The following NASP variants were observed in gnomAD, a reference collection of about 807,000 sequenced individuals.
The protein encoded by NASP is NASP histone chaperone.
NASP carries 24 observed loss-of-function variants against 89.5 expected under a neutral mutation model. That is an observed-to-expected ratio of 0.27 (90% CI 0.19 to 0.38). NASP has a LOEUF of 0.38. NASP is among the 10% of genes least tolerant of loss of function. The pLI, the probability that NASP is intolerant of heterozygous loss-of-function variation, is 1.00. For missense variants in NASP, 848 were observed against 921.4 expected, an observed-to-expected ratio of 0.92 and a Z score of 1.03; for synonymous variants, 306 against 324.7, an observed-to-expected ratio of 0.94 and a Z score of 0.62.
At chr1:45,598,358 C>T (rs536666837) in intron 2 of NASP, among the ~76,000 whole-genome samples, 5 of 151,910 alleles carry the variant, frequency 3.3e-5, no homozygotes, top group African/African-American at 4.8e-5. Context: ...TTAGTAGAGA[C>T]GGGGTTTCGC....
chr1:45,615,574 G>A (rs1347313370), intron 11 of NASP, 103 bp downstream of exon 11: 1 of 1,109,484 alleles, frequency 9.0e-7, no homozygotes, highest in South Asian at 1.6e-5. Flanking sequence ...CAGGGAGTTG[G>A]TGGGCTCATC....
chr1:45,608,344 G>A lies in NASP; in HGVS notation c.1426+7G>A, dbSNP rs767624168. On this transcript the variant is annotated splice_region_variant and intron_variant, in intron 6 of 14. Coordinates refer to ENST00000350030, the MANE Select transcript of NASP (RefSeq NM_002482.4). The stretch of plus-strand genomic sequence containing the variant: ...CAGATGAAAGAGGGTGAAGGTAACC[G>A]GGATATGCAAGAGCTGCAGTGGGTG... 1.3e-5 allele frequency: 21 copies of A among 1,595,906 alleles called. No homozygotes were observed. The highest frequency in any genetic ancestry group is 1.6e-5 in the Non-Finnish European group (19 of 1,170,680).
rs1164645781 is a variant in NASP, at chr1:45,607,719, A to T, written c.808A>T (p.Ile270Leu). Residue 270 changes from isoleucine (I) to leucine (L), a missense_variant, in exon 6 of 15, where the codon ATA becomes TTA. This residue lies in a region of NASP where 464 missense variants were observed against 469.4 expected (regional missense o/e 0.99). Coordinates refer to ENST00000350030, the MANE Select transcript of NASP (RefSeq NM_002482.4). ...GAAGCAGGGAGAGGTAATTGTGAGC[A>T]TAGAGGAGAAGCCAAAAGAAGTTTC... ...QEKQGEVIVSIEEKPKEVSEE... is the reference protein window; with the variant it reads ...QEKQGEVIVSLEEKPKEVSEE... 6.2e-7 allele frequency: 1 copy of T among 1,614,202 alleles called. No homozygotes were observed. The highest frequency in any genetic ancestry group is 1.1e-5 in the South Asian group (1 of 91,090).
chr1:45,590,549 CAAAAAA>C (rs1036511604), intron 1 of NASP, among the ~76,000 whole-genome samples: 5 of 58,970 alleles, frequency 8.5e-5, no homozygotes, highest in African/African-American at 2.4e-4. Flanking sequence ...GACTCTGTCT[CAAAAAA>C]AAAAAAAAAA....
intron 1 of NASP, among the ~76,000 whole-genome samples, chr1:45,585,084 G>T (rs190762775): frequency 6.6e-6 from 1 of 152,318 alleles, no homozygotes; most frequent in Non-Finnish European, 1.5e-5. Flanking sequence ...AGTGGAGAAG[G>T]ACTGGAGGGA....
intron 2 of NASP, among the ~76,000 whole-genome samples, chr1:45,596,629 T>C (rs1643702904): frequency 6.6e-6 from 1 of 152,146 alleles, no homozygotes; most frequent in African/African-American, 2.4e-5. Context: ...GATAGACTGG[T>C]TTTTAATGTA....
In NASP at chr1:45,615,211, G is replaced by A; in HGVS notation, c.1855+10G>A. 6.2e-7 allele frequency: 1 copy of A among 1,613,580 alleles called. No homozygotes were observed. ...ATTGAGAACAGAATGGGTGAGTGAAGACGAGCTGCTTCATGGTGATGTTGG... is the reference window on the plus strand; with the variant it reads ...ATTGAGAACAGAATGGGTGAGTGAAAACGAGCTGCTTCATGGTGATGTTGG... On this transcript the variant is annotated intron_variant, in intron 10 of 14. Transcript: ENST00000350030.
At chr1:45,585,280 C>T (rs545244733) in intron 1 of NASP, among the ~76,000 whole-genome samples, 3 of 152,122 alleles carry the variant, frequency 2.0e-5, no homozygotes, top group African/African-American at 7.2e-5. Flanking sequence ...TAATCTTGTG[C>T]GCTTTAGAGG....
At position 45,607,487 on chromosome 1, in the gene NASP, A is replaced by G. The variant is rs149829161; in HGVS notation, c.576A>G (p.Ala192=). Residue 192 remains alanine (A), a synonymous_variant, in exon 6 of 15, where the codon GCA becomes GCG. Transcript: ENST00000350030. Reference sequence around the variant, plus strand: ...AAGATATGGATATAAGTAAATCTGCAGAGGAGCCACAGGAAAAAGTTGACT... The same window carrying G: ...AAGATATGGATATAAGTAAATCTGCGGAGGAGCCACAGGAAAAAGTTGACT... ...GREDMDISKS[A]EEPQEKVDLT... The G allele has an allele frequency of 1.5e-5, 25 of 1,613,846 alleles. No individual in the cohort carries two copies. The highest frequency in any genetic ancestry group is 2.1e-5 in the Non-Finnish European group (25 of 1,179,984).
chr1:45,612,977 A>G, intron 6 of NASP, 192 bp from the exon 7 acceptor site: 2 of 658,146 alleles, frequency 3.0e-6, no homozygotes, highest in Non-Finnish European at 4.5e-6. Context: ...CTAAGATTGC[A>G]CATTCTTAGT....
At chr1:45,594,568 G>T (rs78357464) in intron 2 of NASP, 73 of 360,200 alleles carry the variant, frequency 2.0e-4, no homozygotes, top group African/African-American at 1.5e-3. Context: ...ACAGTGGAGC[G>T]ATCGTGGCTC....
chr1:45,592,181 C>T (rs536566807), intron 2 of NASP, among the ~76,000 whole-genome samples: 54 of 152,286 alleles, frequency 3.5e-4, no homozygotes, highest in African/African-American at 1.3e-3. Context: ...GATGGGGTTT[C>T]ACCATGTTGG....
intron 1 of NASP, among the ~76,000 whole-genome samples, chr1:45,586,666 TTAAG>T (rs1644556072): frequency 2.0e-5 from 3 of 152,260 alleles, no homozygotes; most frequent in South Asian, 4.1e-4. Context: ...TGTGTCTCAG[TTAAG>T]TAAGTTAGTG....
intron 4 of NASP, 103 bp from the exon 5 acceptor site, chr1:45,606,379 C>G: frequency 1.3e-6 from 1 of 741,610 alleles, no homozygotes; most frequent in East Asian, 2.5e-5. Flanking sequence ...CTGCGCTTGG[C>G]TTACACTTCT....
At chr1:45,602,425 A>G (rs1643865565) in intron 3 of NASP, 60 bp downstream of exon 3, 3 of 1,487,734 alleles carry the variant, frequency 2.0e-6, no homozygotes, top group Admixed American at 2.0e-5. Flanking sequence ...TTGAGTTATC[A>G]AAAATTATTT....
intron 2 of NASP, among the ~76,000 whole-genome samples, chr1:45,601,913 C>T (rs904806541): frequency 1.3e-5 from 2 of 151,658 alleles, no homozygotes; most frequent in East Asian, 3.9e-4. Context: ...CCACCACGCC[C>T]GGCTAATTTT....
intron 1 of NASP, among the ~76,000 whole-genome samples, chr1:45,586,792 A>T (rs1231107995): frequency 6.6e-6 from 1 of 152,218 alleles, no homozygotes; most frequent in Non-Finnish European, 1.5e-5. Context: ...GAGGATGACC[A>T]TTGAAAGAAT....
At position 45,614,022 on chromosome 1, in the gene NASP, G is replaced by GC. The variant is rs1644061390; in HGVS notation, c.1507-73dup. 8.8e-5 allele frequency: 107 copies of GC among 1,215,804 alleles called. 2 individuals are homozygous for GC. In the South Asian group the frequency reaches 1.4e-3, roughly 16 times the overall value. 75.3% of individuals were successfully genotyped at this position (1,215,804 alleles called of 1,614,324 possible). On this transcript the variant is annotated intron_variant, in intron 7 of 14. Coordinates refer to ENST00000350030, the MANE Select transcript of NASP (RefSeq NM_002482.4). ...TGAATCGTATATCAACTTTTTTTAA[G>GC]CTACGCTAAGTTATACATTTAGATT...
chr1:45,617,442 C>T (rs915328952), intron 13 of NASP, 21 bp from the exon 14 acceptor site: 6 of 1,603,800 alleles, frequency 3.7e-6, no homozygotes, highest in Admixed American at 1.7e-5. Flanking sequence ...ATTTGTGAAG[C>T]CTTCACAATT....
Sources: allele counts gnomAD v4.1 joint callset (sites outside exome capture counted in the v4.1 genomes callset), GRCh38; gene constraint gnomAD v4.1.1; regional missense constraint gnomAD v4.1.1; transcripts MANE v1.5; gene names NCBI Gene and HGNC (gene_info 2026-07-23, HGNC 2026-07-21).